CCSER1: variants seen among roughly 807,000 people sequenced by gnomAD.
CCSER1 encodes serine-rich coiled-coil domain-containing protein 1.
CCSER1 carries 41 observed loss-of-function variants against 82.0 expected under a neutral mutation model. The observed-to-expected ratio is 0.50, with a 90% CI of 0.39 to 0.65. CCSER1 has a LOEUF of 0.65. CCSER1 is among the 30% of genes least tolerant of loss of function. The probability of loss-of-function intolerance (pLI) is 0.00; values close to 1 mark genes in which losing one functional copy is unlikely to be tolerated. For missense variants in CCSER1, 1,119 were observed against 1,064.2 expected (o/e 1.05, Z -0.72); for synonymous variants, 414 against 383.9 (o/e 1.08, Z -0.92).
intron 9 of CCSER1, among the ~76,000 whole-genome samples, chr4:90,993,829 C>T (rs1052662505): frequency 9.9e-5 from 15 of 151,944 alleles, no homozygotes; most frequent in African/African-American, 2.7e-4. Context: ...CTTCAACATA[C>T]GAATTTTGAG....
intron 10 of CCSER1, among the ~76,000 whole-genome samples, chr4:91,317,122 A>G (rs977785859): frequency 6.6e-6 from 1 of 152,054 alleles, no homozygotes; most frequent in Non-Finnish European, 1.5e-5. Context: ...CACAATTTAT[A>G]CATATATCAC....
chr4:90,567,416 G>A (rs140498890), intron 5 of CCSER1, among the ~76,000 whole-genome samples: 90 of 150,896 alleles, frequency 6.0e-4, no homozygotes, highest in Admixed American at 3.3e-4. Flanking sequence ...TCAGCCTTCC[G>A]AGTAGCTGGG....
intron 10 of CCSER1, among the ~76,000 whole-genome samples, chr4:91,467,921 A>G (rs555449606): frequency 8.6e-4 from 131 of 152,334 alleles, no homozygotes; most frequent in African/African-American, 3.0e-3. Context: ...AAACTATTTC[A>G]ACCATTGTGG....
At chr4:90,658,261 G>T (rs1466861798) in intron 6 of CCSER1, among the ~76,000 whole-genome samples, 1 of 151,940 alleles carries the variant, frequency 6.6e-6, no homozygotes, top group African/African-American at 2.4e-5. Context: ...GTAATTTGAG[G>T]CTCTAACATT....
chr4:90,209,062 G>A (rs1739459784), intron 1 of CCSER1, among the ~76,000 whole-genome samples: 1 of 152,034 alleles, frequency 6.6e-6, no homozygotes, highest in South Asian at 2.1e-4. Context: ...TAATTTTCAG[G>A]TCTCCTATTT....
intron 10 of CCSER1, among the ~76,000 whole-genome samples, chr4:91,421,615 T>C (rs965759956): frequency 6.6e-6 from 1 of 152,092 alleles, no homozygotes; most frequent in African/African-American, 2.4e-5. Flanking sequence ...TTTTACCACC[T>C]GTCTGTATAT....
intron 1 of CCSER1, among the ~76,000 whole-genome samples, chr4:90,154,445 A>G (rs1727613615): frequency 6.6e-6 from 1 of 152,180 alleles, no homozygotes; most frequent in Non-Finnish European, 1.5e-5. Flanking sequence ...TGGGGATGGC[A>G]TTGAATCTAT....
At chr4:91,374,662 G>A (rs1296600460) in intron 10 of CCSER1, among the ~76,000 whole-genome samples, 1 of 152,184 alleles carries the variant, frequency 6.6e-6, no homozygotes, top group Non-Finnish European at 1.5e-5. Context: ...GCAACTCATG[G>A]ATCAAGGAAT....
At chr4:91,048,168 A>G (rs1288757261) in intron 9 of CCSER1, among the ~76,000 whole-genome samples, 1 of 152,074 alleles carries the variant, frequency 6.6e-6, no homozygotes, top group Non-Finnish European at 1.5e-5. Flanking sequence ...CTTCCAAATA[A>G]TTAAGGTAAC....
intron 10 of CCSER1, among the ~76,000 whole-genome samples, chr4:91,250,505 G>A (rs72670908): frequency 6.6e-6 from 1 of 151,950 alleles, no homozygotes; most frequent in Non-Finnish European, 1.5e-5. Flanking sequence ...AGGCAAATAG[G>A]TATATTTCAT....
chr4:90,572,716 C>T (rs774135483), intron 5 of CCSER1, among the ~76,000 whole-genome samples: 11 of 151,826 alleles, frequency 7.2e-5, no homozygotes, highest in South Asian at 2.1e-4. Context: ...TTTCTCATTC[C>T]GTTCACATGT....
rs550097641 is a variant in CCSER1 at position 90,464,219 on chromosome 4, G to C, written c.1604-4015G>C. 3.3e-5 allele frequency among the ~76,000 whole-genome samples: 5 copies of C among 152,286 alleles called. No homozygotes were observed. In the South Asian group the frequency reaches 1.0e-3, roughly 32 times the overall value. On this transcript the variant is annotated intron_variant, in intron 4 of 10. Transcript: ENST00000509176. Reference sequence around the variant, plus strand: ...CTGAGGTTTGCAGATTTCTGACTGAGTGGTCCCTGGAAGGCTTGTTCATTT... The same window carrying C: ...CTGAGGTTTGCAGATTTCTGACTGACTGGTCCCTGGAAGGCTTGTTCATTT...
intron 7 of CCSER1, among the ~76,000 whole-genome samples, chr4:90,809,316 A>C (rs917769991): frequency 2.2e-5 from 1 of 44,916 alleles, no homozygotes; most frequent in African/African-American, 4.7e-5. Context: ...GATCATACAC[A>C]CACACACACA....
intron 3 of CCSER1, among the ~76,000 whole-genome samples, chr4:90,388,602 G>C (rs112715755): frequency 7.1e-6 from 1 of 140,256 alleles, no homozygotes; most frequent in Non-Finnish European, 1.5e-5. Flanking sequence ...GAGCCACCAC[G>C]CCCGGCCCAT....
At chr4:90,672,257 T>C (rs1262409967) in intron 6 of CCSER1, among the ~76,000 whole-genome samples, 2 of 152,072 alleles carry the variant, frequency 1.3e-5, no homozygotes, top group Non-Finnish European at 2.9e-5. Context: ...TTATTTAGCA[T>C]AGCCACCTTT....
chr4:90,717,795 A>G (rs1410966274), intron 6 of CCSER1, among the ~76,000 whole-genome samples: 1 of 150,266 alleles, frequency 6.7e-6, no homozygotes, highest in African/African-American at 2.4e-5. Flanking sequence ...GTATATATAT[A>G]TATGTGTATA....
At chr4:91,482,763 C>T (rs1182209390) in intron 10 of CCSER1, among the ~76,000 whole-genome samples, 1 of 152,048 alleles carries the variant, frequency 6.6e-6, no homozygotes, top group Non-Finnish European at 1.5e-5. Flanking sequence ...ACTATGCAGC[C>T]ATAAAAAATG....
At chr4:91,000,229 A>AG (rs1491173179) in intron 9 of CCSER1, among the ~76,000 whole-genome samples, 107 of 10,428 alleles carry the variant, frequency 0.01, no homozygotes, top group Middle Eastern at 0.083. Context: ...GGTATAGTAT[A>AG]GTATAGTATA....
chr4:90,593,119 A>T (rs114772118), intron 5 of CCSER1, among the ~76,000 whole-genome samples: 2,917 of 152,268 alleles, frequency 0.019, 106 homozygotes, highest in African/African-American at 0.067. Flanking sequence ...AAAAATTACT[A>T]TTTCAATGGA....
Sources: gnomAD v4.1 joint callset for allele counts (sites outside exome capture counted in the v4.1 genomes callset) on GRCh38, gnomAD v4.1.1 for gene constraint, MANE v1.5 for transcripts, NCBI Gene and HGNC (gene_info 2026-07-23, HGNC 2026-07-21) for gene names.